Variants in KMT2A observed in about 807,000 individuals in gnomAD.
The protein encoded by KMT2A is histone-lysine N-methyltransferase 2A.
A neutral mutation model predicts 345.3 loss-of-function variants in KMT2A; 16 were observed. That is an observed-to-expected ratio of 0.05 (90% CI 0.03 to 0.07). The LOEUF is 0.07. KMT2A is among the 10% of genes least tolerant of loss of function. The probability of loss-of-function intolerance (pLI) is 1.00; values close to 1 mark genes in which losing one functional copy is unlikely to be tolerated. For missense variants in KMT2A, 3,272 were observed against 4,841.6 expected, an observed-to-expected ratio of 0.68 and a Z score of 9.62; for synonymous variants, 1,599 against 1,778.6, an observed-to-expected ratio of 0.90 and a Z score of 2.54.
At position 118,481,965 on chromosome 11, in the gene KMT2A, C is replaced by T; in HGVS notation, c.3885C>T (p.Ser1295=). 6.2e-7 allele frequency: 1 copy of T among 1,614,216 alleles called. No homozygotes were observed. The highest frequency in any genetic ancestry group is 1.1e-5 in the South Asian group (1 of 91,080). The part of the protein sequence containing the change: ...QATTPASRKS[S]KQVSQPALVI... ...CCACTCCAGCTTCCAGGAAGTCAAG[C>T]AAGCAGGTCTCCCAGCCAGCACTGG... Residue 1295 remains serine (S), a synonymous_variant, in exon 7 of 36, where the codon AGC becomes AGT. Coordinates refer to ENST00000534358, the MANE Select transcript of KMT2A (RefSeq NM_001197104.2).
intron 11 of KMT2A, 85 bp downstream of exon 11, chr11:118,488,845 T>G: frequency 1.5e-6 from 2 of 1,297,934 alleles, no homozygotes; most frequent in East Asian, 2.4e-5. Context: ...TTGGATTGAA[T>G]GTATCTGGGA....
chr11:118,454,802 T>G (rs1464686065), intron 1 of KMT2A, among the ~76,000 whole-genome samples: 1 of 152,232 alleles, frequency 6.6e-6, no homozygotes. Flanking sequence ...ATAGTTTTCA[T>G]GTACACAAAA....
Position 118,494,734 on chromosome 11 carries a change from C to T in KMT2A, c.5330C>T (p.Ser1777Phe). 6.2e-7 allele frequency: 1 copy of T among 1,613,820 alleles called. No individual in the cohort carries two copies. Among genetic ancestry groups the T allele is most frequent in the Non-Finnish European group, 8.5e-7 (1 of 1,179,872 alleles). ...TTTCCATGGTTCAGTGTCAAAAAGT[C>T]CAGGTTTTGGGAGCCAAATAAAGTA... ...RVFPWFSVKK[S>F]RFWEPNKVSS... Residue 1777 changes from serine to phenylalanine, a missense_variant, in exon 18 of 36, where the codon TCC (serine) becomes TTC (phenylalanine). Transcript: ENST00000534358. This position sits in a 1 kb window ranked among gnomAD's most constrained non-coding sequence, Gnocchi z 5.8.
Position 118,436,873 on chromosome 11 carries a change from G to A in KMT2A, c.361G>A (p.Ala121Thr), listed in dbSNP as rs2134155010. Residue 121 changes from alanine (A) to threonine (T), a missense_variant, in exon 1 of 36, where the codon GCC becomes ACC. Physicochemically the swap from Ala to Thr is moderately conservative, Grantham distance 58. This residue lies in a region of KMT2A where 412 missense variants were observed against 511.0 expected (regional missense o/e 0.81). Coordinates refer to ENST00000534358, the MANE Select transcript of KMT2A (RefSeq NM_001197104.2). The surrounding 1 kb of genome is among the most constrained non-coding windows in gnomAD (Gnocchi z 6.9). ...CGACGCGGCGCTGCAGGTCTCGGCC[G>A]CCATCGGCACCAACCTGCGCCGGTT... ...GFDAALQVSA[A>T]IGTNLRRFRA... 4 of 1,592,530 alleles carry A rather than the reference G, an allele frequency of 2.5e-6. No homozygotes were observed. Among genetic ancestry groups the A allele is most frequent in the South Asian group, 2.3e-5 (2 of 88,508 alleles).
In KMT2A at chr11:118,471,933, G is replaced by T. The variant is rs781870146; in HGVS notation, c.774G>T (p.Arg258Ser). 6.2e-7 allele frequency: 1 copy of T among 1,613,960 alleles called. No individual in the cohort carries two copies. Among genetic ancestry groups the T allele is most frequent in the Non-Finnish European group, 8.5e-7 (1 of 1,179,980 alleles). The change falls in exon 3 of 36, where the codon AGG (arginine) becomes AGT (serine). Residue 258 changes from arginine to serine, a missense_variant. Arg to Ser is a moderately radical substitution (Grantham distance 110). Transcript: ENST00000534358. ...AAGATAGCCTGAAAAAAATTAAAAG[G>T]ACACCTTCTGCTACGTTTCAGCAAG... ...NKEDSLKKIKRTPSATFQQAT... is the reference protein window; with the variant it reads ...NKEDSLKKIKSTPSATFQQAT...
Position 118,495,850 on chromosome 11 carries a change from A to G in KMT2A, c.5514A>G (p.Pro1838=). ...CCAAACCCAAAGGTCCTGGAGAACC[A>G]GACTCACCAACTCCTCTGCATCCTC... is the stretch of plus-strand genomic sequence containing the variant. ...PAPKPKGPGE[P]DSPTPLHPPT... The change falls in exon 19 of 36, where the codon CCA becomes CCG. Residue 1838 remains proline, a synonymous_variant. Transcript: ENST00000534358. This position sits in a 1 kb window ranked among gnomAD's most constrained non-coding sequence, Gnocchi z 4.1. 1.2e-6 allele frequency: 2 copies of G among 1,614,134 alleles called. No homozygotes were observed. The highest frequency in any genetic ancestry group is 1.7e-6 in the Non-Finnish European group (2 of 1,180,008).
chr11:118,510,222 T>C lies in KMT2A; in HGVS notation c.11071+104T>C. ...ATTTAGGTGGCTGTTTTATGCTAGA[T>C]GGTAGGGGGATACCTGGAGGCATCA... On this transcript the variant is annotated intron_variant, in intron 30 of 35. Transcript: ENST00000534358. This position sits in a 1 kb window ranked among gnomAD's most constrained non-coding sequence, Gnocchi z 4.1. 1 of 869,644 alleles carries C rather than the reference T, an allele frequency of 1.1e-6. No homozygotes were observed. 53.9% of individuals were successfully genotyped at this position (869,644 alleles called of 1,614,324 possible). A position where few individuals can be genotyped will look rare whatever the true frequency, so the allele number is the denominator to read the frequency against.
rs1443366341 is a variant in KMT2A at position 118,498,827 on chromosome 11, A to T, written c.5961+299A>T. On this transcript the variant is annotated intron_variant, in intron 22 of 35. Transcript: ENST00000534358. This position sits in a 1 kb window ranked among gnomAD's most constrained non-coding sequence, Gnocchi z 4.4. ...TGTATAATGATGTATATCCACCATT[A>T]TACCATCATATGGAGTATTTTCGCT... Among the ~76,000 whole-genome samples the T allele has an allele frequency of 3.3e-5, 5 of 152,176 alleles. No homozygotes were observed. The highest frequency in any genetic ancestry group is 5.9e-5 in the Non-Finnish European group (4 of 68,040).
chr11:118,465,696 C>A (rs1949831333), intron 1 of KMT2A, among the ~76,000 whole-genome samples: 1 of 152,174 alleles, frequency 6.6e-6, no homozygotes, highest in Non-Finnish European at 1.5e-5. Flanking sequence ...GGATTGGCCC[C>A]CTCTACAATT....
rs1196187974 is a variant in KMT2A, at chr11:118,495,370, A to G, written c.5364-330A>G. Among the ~76,000 whole-genome samples, 1 of 151,862 alleles carries G rather than the reference A, an allele frequency of 6.6e-6. No individual in the cohort carries two copies. Among genetic ancestry groups the G allele is most frequent in the Non-Finnish European group, 1.5e-5 (1 of 67,960 alleles). On this transcript the variant is annotated intron_variant, in intron 18 of 35. Transcript: ENST00000534358. This position sits in a 1 kb window ranked among gnomAD's most constrained non-coding sequence, Gnocchi z 4.1. ...ACTGGGTTTCACCATTTTGGCCAGG[A>G]TGGTCTTGATCTCTTGACCTGGTGA...
At position 118,504,168 on chromosome 11, in the gene KMT2A, A is replaced by G. The variant is rs1950545242; in HGVS notation, c.8276A>G (p.Asp2759Gly). 1.9e-6 allele frequency: 3 copies of G among 1,614,190 alleles called. No individual in the cohort carries two copies. Among genetic ancestry groups the G allele is most frequent in the Non-Finnish European group, 2.5e-6 (3 of 1,180,022 alleles). The change falls in exon 27 of 36, where the codon GAT becomes GGT. Residue 2759 changes from aspartate to glycine, a missense_variant. Physicochemically the swap from Asp to Gly is moderately conservative, Grantham distance 94. Transcript: ENST00000534358. The surrounding 1 kb of genome is among the most constrained non-coding windows in gnomAD (Gnocchi z 6.4). ...AATGGAACAGAGAACTTAAAGATTG[A>G]TAGACCTGAAGATGCTGGGGAGAAA... Reference protein sequence around the residue: ...KENGTENLKIDRPEDAGEKEH... With the variant: ...KENGTENLKIGRPEDAGEKEH...
At chr11:118,465,065 A>G (rs544856400) in intron 1 of KMT2A, among the ~76,000 whole-genome samples, 10 of 152,192 alleles carry the variant, frequency 6.6e-5, no homozygotes, top group South Asian at 4.1e-4. Context: ...ATCATTAAGT[A>G]TGCTGATTTG....
rs533440802 is a variant in KMT2A at position 118,477,434 on chromosome 11, T to C, written c.3334+452T>C. Among the ~76,000 whole-genome samples, 5 of 152,060 alleles carry C rather than the reference T, an allele frequency of 3.3e-5. No individual in the cohort carries two copies. The South Asian group carries it at 1.0e-3, about 32-fold the overall frequency. On this transcript the variant is annotated intron_variant, in intron 4 of 35. Transcript: ENST00000534358. ...AGAAGCATTTGGTTTCTATTCTCGATTTTAGATTAGACTTTTGTTTTCAGT... is the reference window on the plus strand; with the variant it reads ...AGAAGCATTTGGTTTCTATTCTCGACTTTAGATTAGACTTTTGTTTTCAGT...
intron 1 of KMT2A, among the ~76,000 whole-genome samples, chr11:118,468,182 C>T (rs1342160321): frequency 6.6e-6 from 1 of 152,126 alleles, no homozygotes; most frequent in Non-Finnish European, 1.5e-5. Flanking sequence ...CATTAAGTCT[C>T]TTATCACAGG....
At position 118,493,298 on chromosome 11, in the gene KMT2A, G is replaced by A. The variant is rs2134346665; in HGVS notation, c.5178+68G>A. On this transcript the variant is annotated intron_variant, in intron 16 of 35. Transcript: ENST00000534358. The surrounding 1 kb of genome is among the most constrained non-coding windows in gnomAD (Gnocchi z 5.8). ...AAGCTTCTTTGGACCTTTGGGGCAT[G>A]AAACTGAGTATAAGTAAATTTAAAA... 1.6e-6 allele frequency: 2 copies of A among 1,271,944 alleles called. No individual in the cohort carries two copies. The highest frequency in any genetic ancestry group is 2.2e-6 in the Non-Finnish European group (2 of 894,630). The allele number at this position is 1,271,944 out of a possible 1,614,324, so 78.8% of individuals were successfully genotyped here.
rs140215902 is a variant in KMT2A, at chr11:118,470,550, T to A, written c.503-1112T>A. 1.5e-3 allele frequency among the ~76,000 whole-genome samples: 229 copies of A among 152,358 alleles called. 1 individual carries two copies. The highest frequency in any genetic ancestry group is 5.8e-3 in the East Asian group (30 of 5,192). ...TATTACCTTTGTTGTAATTAGGATATGTTGAGAAAGGAGCTGTGAATCCTT... is the reference window on the plus strand; with the variant it reads ...TATTACCTTTGTTGTAATTAGGATAAGTTGAGAAAGGAGCTGTGAATCCTT... On this transcript the variant is annotated intron_variant, in intron 2 of 35. Transcript: ENST00000534358.
intron 1 of KMT2A, among the ~76,000 whole-genome samples, chr11:118,465,460 C>T (rs1555033912): frequency 6.6e-6 from 1 of 152,034 alleles, no homozygotes; most frequent in Non-Finnish European, 1.5e-5. Context: ...TTTCCATGAA[C>T]CTTTTGAAGT....
chr11:118,519,579 C>T (rs2135280775), intron 31 of KMT2A, 39 bp from the exon 32 acceptor site: 1 of 1,584,014 alleles, frequency 6.3e-7, no homozygotes, highest in Non-Finnish European at 8.7e-7. Context: ...TTCCTGTTGA[C>T]TGCGCTCCTC....
rs1357561518 is a variant in KMT2A, at chr11:118,488,753, C to A, written c.4472C>A (p.Ala1491Asp). ...CACGTTTGTGGAAGGCAACATCAGG[C>A]TACAAAGGTACAAAACTTGGTAATA... ...FCHVCGRQHQ[A>D]TKQLLECNKC... is the part of the protein sequence containing the mutation. Residue 1491 changes from alanine to aspartate, a missense_variant, in exon 11 of 36, where the codon GCT becomes GAT. By Grantham distance (126) the Ala-to-Asp change is moderately radical (BLOSUM62 -2). Coordinates refer to ENST00000534358, the MANE Select transcript of KMT2A (RefSeq NM_001197104.2). The A allele has an allele frequency of 6.2e-7, 1 of 1,613,878 alleles. No individual in the cohort carries two copies. The highest frequency in any genetic ancestry group is 1.3e-5 in the African/African-American group (1 of 74,908).
Sources: allele counts gnomAD v4.1 joint callset (sites outside exome capture counted in the v4.1 genomes callset), GRCh38; gene constraint gnomAD v4.1.1; regional missense constraint gnomAD v4.1.1; non-coding constraint Gnocchi (gnomAD v3.1); transcripts MANE v1.5; gene names NCBI Gene and HGNC (gene_info 2026-07-23, HGNC 2026-07-21).